The following NSMCE2 variants were observed in gnomAD, a reference collection of about 807,000 sequenced individuals.
NSMCE2 encodes the protein E3 SUMO-protein ligase NSE2.
NSMCE2 carries 24 observed loss-of-function variants against 23.8 expected under a neutral mutation model. The observed-to-expected ratio is 1.01, with a 90% CI of 0.73 to 1.42. The LOEUF (loss-of-function observed/expected upper bound fraction) is 1.42, where lower values mean the gene tolerates loss of function less well. Ranked by LOEUF, NSMCE2 falls within the 40% of genes most tolerant of loss-of-function variation. The probability of loss-of-function intolerance (pLI) is 0.00; values close to 1 mark genes in which losing one functional copy is unlikely to be tolerated. For synonymous variants in NSMCE2, 92 were observed against 94.1 expected, an observed-to-expected ratio of 0.98 and a Z score of 0.13; for missense variants, 284 against 296.5, an observed-to-expected ratio of 0.96 and a Z score of 0.31.
chr8:125,220,005 T>C (rs1485548114), intron 5 of NSMCE2, among the ~76,000 whole-genome samples: 1 of 152,212 alleles, frequency 6.6e-6, no homozygotes, highest in Non-Finnish European at 1.5e-5. Context: ...CCTCTTGCTA[T>C]TAAAGATTAT....
intron 5 of NSMCE2, among the ~76,000 whole-genome samples, chr8:125,259,927 T>G (rs1826614984): frequency 6.6e-6 from 1 of 152,200 alleles, no homozygotes; most frequent in Admixed American, 6.5e-5. Context: ...GTTTTGGAGC[T>G]GGAAACTGCA....
At chr8:125,272,632 T>C (rs531305859) in intron 5 of NSMCE2, among the ~76,000 whole-genome samples, 1 of 148,196 alleles carries the variant, frequency 6.7e-6, no homozygotes, top group South Asian at 2.1e-4. Context: ...CTTAACACTT[T>C]ATACTGCCAC....
At chr8:125,359,109 A>T (rs1225367112) in intron 7 of NSMCE2, among the ~76,000 whole-genome samples, 5 of 150,210 alleles carry the variant, frequency 3.3e-5, no homozygotes, top group Non-Finnish European at 7.4e-5. Context: ...TACTAAAAAT[A>T]AAAAAAAATT....
intron 5 of NSMCE2, among the ~76,000 whole-genome samples, chr8:125,246,344 C>T (rs1342635758): frequency 1.3e-5 from 2 of 151,634 alleles, no homozygotes; most frequent in South Asian, 4.2e-4. Context: ...TCACCATGCC[C>T]GACTAATTTT....
rs1201558594 is a variant in NSMCE2, at chr8:125,258,250, G to C, written c.418+75994G>C. The stretch of plus-strand genomic sequence containing the variant: ...TTCACTGAGGGAATGAGTATAGCAG[G>C]GATTGATAGCTGTGTTAAAGACAGT... On this transcript the variant is annotated intron_variant, in intron 5 of 7. Transcript: ENST00000287437. 5.3e-5 allele frequency among the ~76,000 whole-genome samples: 8 copies of C among 152,272 alleles called. No individual in the cohort carries two copies. The South Asian group carries it at 1.2e-3, about 24-fold the overall frequency.
intron 4 of NSMCE2, among the ~76,000 whole-genome samples, chr8:125,169,195 A>C (rs1228336528): frequency 6.6e-6 from 1 of 152,078 alleles, no homozygotes; most frequent in Non-Finnish European, 1.5e-5. Context: ...ATCCTACTTC[A>C]TCTCTTCACT....
intron 5 of NSMCE2, among the ~76,000 whole-genome samples, chr8:125,247,640 G>T (rs1011320164): frequency 6.6e-6 from 1 of 151,158 alleles, no homozygotes; most frequent in Admixed American, 6.6e-5. Context: ...CAGGAGAATC[G>T]CTTGAACCCA....
intron 3 of NSMCE2, among the ~76,000 whole-genome samples, chr8:125,125,402 T>C (rs1169862172): frequency 6.6e-6 from 1 of 152,076 alleles, no homozygotes; most frequent in Non-Finnish European, 1.5e-5. Flanking sequence ...CCATCTATTA[T>C]CACAGAGCGG....
At chr8:125,173,735 T>C (rs1169941640) in intron 4 of NSMCE2, among the ~76,000 whole-genome samples, 1 of 152,178 alleles carries the variant, frequency 6.6e-6, no homozygotes, top group East Asian at 1.9e-4. Flanking sequence ...AGTTAGGATG[T>C]ATGTCTGAAA....
Position 125,151,201 on chromosome 8 carries a change from AG to A in NSMCE2, c.190del (p.Ala64GlnfsTer12). The A allele has an allele frequency of 1.9e-6, 3 of 1,607,994 alleles. No homozygotes were observed. Among genetic ancestry groups the A allele is most frequent in the Non-Finnish European group, 2.6e-6 (3 of 1,174,840 alleles). On this transcript the variant is annotated frameshift_variant, in exon 4 of 8. Coordinates refer to ENST00000287437, the MANE Select transcript of NSMCE2 (RefSeq NM_173685.4). LOFTEE classifies it high-confidence loss of function. Reference sequence around the variant, plus strand: ...GTGAGTAGTGAATATAGTATGGACAAGGCAATGGTTGAATTTGCTACATTGG... The same window carrying A: ...GTGAGTAGTGAATATAGTATGGACAAGCAATGGTTGAATTTGCTACATTGG... ...TEVSSEYSMD[K>X]AMVEFATLDR...
chr8:125,198,626 C>G (rs1448698550), intron 5 of NSMCE2, among the ~76,000 whole-genome samples: 3 of 152,204 alleles, frequency 2.0e-5, no homozygotes, highest in African/African-American at 7.2e-5. Flanking sequence ...CGATGTTCAT[C>G]AGAGATATTG....
chr8:125,105,096 T>C (rs1219726578), intron 3 of NSMCE2, among the ~76,000 whole-genome samples: 1 of 152,214 alleles, frequency 6.6e-6, no homozygotes, highest in East Asian at 1.9e-4. Context: ...TTTTCCCTTA[T>C]TGCAGTAATT....
rs34130712 is a variant in NSMCE2 at position 125,292,220 on chromosome 8, G to GA, written c.419-64987dup. On this transcript the variant is annotated intron_variant, in intron 5 of 7. Transcript: ENST00000287437. ...ATGTAGATTCAAGAAGCTATGGGAG[G>GA]AAAAAAAAAAAAGGAGAAGAAGAAG... Among the ~76,000 whole-genome samples the GA allele has an allele frequency of 4.4e-3, 618 of 141,646 alleles. 4 individuals are homozygous for GA. The highest frequency in any genetic ancestry group is 0.013 in the African/African-American group (493 of 38,762). The allele number at this position is 141,646 out of a possible 152,430, so 92.9% of individuals were successfully genotyped here.
chr8:125,327,997 T>C (rs1484781257), intron 5 of NSMCE2, among the ~76,000 whole-genome samples: 4 of 152,184 alleles, frequency 2.6e-5, no homozygotes, highest in African/African-American at 7.2e-5. Flanking sequence ...AGAACTATCA[T>C]AATTATGGGT....
intron 5 of NSMCE2, among the ~76,000 whole-genome samples, chr8:125,314,904 C>T (rs772459526): frequency 3.9e-5 from 6 of 151,998 alleles, no homozygotes; most frequent in Non-Finnish European, 8.8e-5. Flanking sequence ...GTAAACAAAG[C>T]GAGATGTTGG....
At chr8:125,294,619 A>C (rs1320714235) in intron 5 of NSMCE2, among the ~76,000 whole-genome samples, 4 of 152,228 alleles carry the variant, frequency 2.6e-5, no homozygotes, top group African/African-American at 9.6e-5. Flanking sequence ...CACGTAATAG[A>C]AACTGTCTCA....
chr8:125,094,556 T>G (rs1817837182), intron 1 of NSMCE2: 1 of 152,220 alleles, frequency 6.6e-6, no homozygotes, highest in Non-Finnish European at 1.5e-5. Flanking sequence ...TTCAAACAAA[T>G]AGTGACAGCT....
At chr8:125,208,781 G>C (rs770754532) in intron 5 of NSMCE2, among the ~76,000 whole-genome samples, 12 of 152,160 alleles carry the variant, frequency 7.9e-5, no homozygotes, top group Non-Finnish European at 1.8e-4. Flanking sequence ...TGGAGAGGTA[G>C]GAATCCTACT....
intron 1 of NSMCE2, among the ~76,000 whole-genome samples, chr8:125,101,564 T>C (rs1334453948): frequency 6.6e-6 from 1 of 152,200 alleles, no homozygotes; most frequent in Non-Finnish European, 1.5e-5. Flanking sequence ...TTCTCCCCAC[T>C]TTTCTAGTTG....
Sources: allele counts gnomAD v4.1 joint callset (sites outside exome capture counted in the v4.1 genomes callset), GRCh38; gene constraint gnomAD v4.1.1; transcripts MANE v1.5; gene names NCBI Gene and HGNC (gene_info 2026-07-23, HGNC 2026-07-21).